The following CERS3 variants were observed in gnomAD, a reference collection of about 807,000 sequenced individuals.
CERS3 encodes the protein ceramide synthase 3.
CERS3 carries 33 observed loss-of-function variants against 50.3 expected under a neutral mutation model. The ratio of observed to expected loss-of-function variants is 0.66; its 90% CI spans 0.50 to 0.88. The LOEUF (loss-of-function observed/expected upper bound fraction) is 0.88. Among genes scored for constraint, CERS3 ranks in the 40% least tolerant of loss-of-function variants. The pLI is 0.00. For missense variants in CERS3, 470 were observed against 460.3 expected, an observed-to-expected ratio of 1.02 and a Z score of -0.19; for synonymous variants, 176 against 155.2, an observed-to-expected ratio of 1.13 and a Z score of -0.99.
intron 11 of CERS3, among the ~76,000 whole-genome samples, chr15:100,440,631 G>T (rs901784237): frequency 1.3e-5 from 2 of 152,180 alleles, no homozygotes; most frequent in Non-Finnish European, 2.9e-5. Flanking sequence ...GACTGGAGGG[G>T]GGGAACCTCC....
chr15:100,541,380 G>A (rs983647046), intron 1 of CERS3, among the ~76,000 whole-genome samples: 5 of 152,164 alleles, frequency 3.3e-5, no homozygotes, highest in Non-Finnish European at 7.4e-5. Flanking sequence ...GCTGAGACAA[G>A]AGAATTCCTT....
chr15:100,408,885 G>GCTGTT (rs1305346017), intron 11 of CERS3: 1 of 152,206 alleles, frequency 6.6e-6, no homozygotes, highest in African/African-American at 2.4e-5. Flanking sequence ...AGACATAGCA[G>GCTGTT]CTATTCTCTT....
intron 11 of CERS3, chr15:100,408,851 C>G (rs574192441): frequency 1.3e-5 from 2 of 152,174 alleles, no homozygotes; most frequent in South Asian, 4.1e-4. Flanking sequence ...GTTACATCAA[C>G]AACATTTCCT....
intron 11 of CERS3, among the ~76,000 whole-genome samples, chr15:100,453,626 C>T (rs150382032): frequency 2.1e-3 from 322 of 152,264 alleles, no homozygotes; most frequent in Admixed American, 2.7e-3. Context: ...TCCTGTTTGA[C>T]GTAGTACTGG....
chr15:100,492,449 A>C, intron 3 of CERS3, among the ~76,000 whole-genome samples: 1 of 152,216 alleles, frequency 6.6e-6, no homozygotes. Context: ...TTATTATTAT[A>C]AAATGTCCTT....
intron 1 of CERS3, among the ~76,000 whole-genome samples, chr15:100,539,369 T>C: frequency 6.6e-6 from 1 of 152,192 alleles, no homozygotes; most frequent in East Asian, 1.9e-4. Context: ...ACTGTATTAG[T>C]CCATTTTCAT....
intron 2 of CERS3, among the ~76,000 whole-genome samples, chr15:100,516,631 A>G (rs1261965915): frequency 6.6e-6 from 1 of 152,236 alleles, no homozygotes; most frequent in Non-Finnish European, 1.5e-5. Context: ...AAGATTCCCC[A>G]GAGAGAGAAA....
chr15:100,450,472 C>A (rs1308839910), intron 11 of CERS3, among the ~76,000 whole-genome samples: 4 of 134,140 alleles, frequency 3.0e-5, no homozygotes, highest in African/African-American at 5.6e-5. Flanking sequence ...AATTTCAGAA[C>A]TTGAAGACAG....
intron 11 of CERS3, among the ~76,000 whole-genome samples, chr15:100,411,466 T>A (rs1183839298): frequency 2.0e-5 from 3 of 152,134 alleles, no homozygotes; most frequent in Non-Finnish European, 4.4e-5. Flanking sequence ...CTGGCCAAAT[T>A]TCCTTCCTTT....
chr15:100,437,788 C>A (rs550771357), intron 11 of CERS3: 2 of 151,994 alleles, frequency 1.3e-5, no homozygotes, highest in Admixed American at 1.3e-4. Flanking sequence ...GTGAAGAAAC[C>A]GAGGCAATGA....
At chr15:100,490,401 A>G (rs2035615218) in intron 4 of CERS3, among the ~76,000 whole-genome samples, 1 of 152,110 alleles carries the variant, frequency 6.6e-6, no homozygotes, top group African/African-American at 2.4e-5. Flanking sequence ...CCCAATGAAC[A>G]TTTTCATAAT....
chr15:100,455,157 C>T (rs2034320647), intron 11 of CERS3, among the ~76,000 whole-genome samples: 2 of 151,824 alleles, frequency 1.3e-5, no homozygotes, highest in South Asian at 4.1e-4. Flanking sequence ...TAAATTAGTA[C>T]AATCTCTATG....
chr15:100,432,763 G>A (rs111751181), intron 11 of CERS3, among the ~76,000 whole-genome samples: 11 of 152,232 alleles, frequency 7.2e-5, no homozygotes, highest in South Asian at 6.2e-4. Flanking sequence ...ACAGAGTCAC[G>A]TACGTTCGAA....
At chr15:100,504,239 CTTTTTTTTTTT>C (rs55640205) in intron 2 of CERS3, among the ~76,000 whole-genome samples, 1 of 109,984 alleles carries the variant, frequency 9.1e-6, no homozygotes, top group African/African-American at 3.5e-5. Flanking sequence ...TTGGACTATT[CTTTTTTTTTTT>C]TTTTTTTTTT....
chr15:100,423,095 A>AAAG (rs367654963), intron 11 of CERS3, among the ~76,000 whole-genome samples: 52 of 149,308 alleles, frequency 3.5e-4, no homozygotes, highest in South Asian at 1.5e-3. Flanking sequence ...ATAAAAAAAA[A>AAAG]ATGTTAAAAA....
intron 11 of CERS3, among the ~76,000 whole-genome samples, chr15:100,426,950 G>C (rs2142106637): frequency 6.6e-6 from 1 of 152,274 alleles, no homozygotes; most frequent in African/African-American, 2.4e-5. Flanking sequence ...TGGGTCCTTT[G>C]ATACGGGTCC....
chr15:100,468,229 T>C (rs1300563691), intron 10 of CERS3, among the ~76,000 whole-genome samples: 1 of 152,166 alleles, frequency 6.6e-6, no homozygotes, highest in Non-Finnish European at 1.5e-5. Context: ...TTCCAAACTA[T>C]ATAAACTAGT....
intron 10 of CERS3, among the ~76,000 whole-genome samples, chr15:100,461,370 A>T (rs2034546372): frequency 1.3e-5 from 2 of 152,070 alleles, no homozygotes; most frequent in South Asian, 4.2e-4. Flanking sequence ...CTTCTAAGAG[A>T]GCTGAGCCTC....
At chr15:100,487,570 A>C (rs1168772777) in intron 4 of CERS3, among the ~76,000 whole-genome samples, 1 of 152,164 alleles carries the variant, frequency 6.6e-6, no homozygotes, top group African/African-American at 2.4e-5. Context: ...GTGAACATTC[A>C]GAAGTGGGTT....
Sources: gnomAD v4.1 joint callset for allele counts (sites outside exome capture counted in the v4.1 genomes callset) on GRCh38, gnomAD v4.1.1 for gene constraint, MANE v1.5 for transcripts, NCBI Gene and HGNC (gene_info 2026-07-23, HGNC 2026-07-21) for gene names.